Variants in PTGER3 observed in about 807,000 individuals in gnomAD.
PTGER3 encodes prostaglandin E receptor 3.
Under a neutral mutation model 34.7 loss-of-function variants are expected in PTGER3, and 22 were observed. The ratio of observed to expected loss-of-function variants is 0.63; its 90% CI spans 0.45 to 0.91. The LOEUF is 0.91. PTGER3 is among the 40% of genes least tolerant of loss of function. The pLI is 0.00. For missense variants in PTGER3, 468 were observed against 519.4 expected (o/e 0.90, Z 0.96); for synonymous variants, 241 against 230.1 (o/e 1.05, Z -0.43).
intron 4 of PTGER3, among the ~76,000 whole-genome samples, chr1:70,888,777 CTG>C (rs1389184597): frequency 6.6e-6 from 1 of 151,716 alleles, no homozygotes; most frequent in East Asian, 1.9e-4. Context: ...ATGGAAAAGA[CTG>C]TGGGGCATAA....
rs372750310 is a variant in PTGER3 at position 70,889,414 on chromosome 1, C to CAA, written c.*24-36557_*24-36556dup. 2.5e-3 allele frequency among the ~76,000 whole-genome samples: 157 copies of CAA among 63,256 alleles called. 2 individuals carry two copies. The highest frequency in any genetic ancestry group is 4.6e-3 in the African/African-American group (73 of 15,974). 41.5% of individuals were successfully genotyped at this position (63,256 alleles called of 152,430 possible). On this transcript the variant is annotated intron_variant, in intron 4 of 4. Transcript: ENST00000370931. ...TGGGCGACAGAGCGAGACTCCATCT[C>CAA]AAAAAAAAAAAAAAAAAAAAAGATT...
At chr1:70,963,804 T>C (rs1652221468) in intron 2 of PTGER3, among the ~76,000 whole-genome samples, 1 of 152,218 alleles carries the variant, frequency 6.6e-6, no homozygotes, top group African/African-American at 2.4e-5. Flanking sequence ...TGGTTACTTA[T>C]GCAAATTTCT....
chr1:71,035,559 T>C (rs1010481593), intron 1 of PTGER3, among the ~76,000 whole-genome samples: 3 of 152,222 alleles, frequency 2.0e-5, no homozygotes, highest in Non-Finnish European at 2.9e-5. Flanking sequence ...CTGTCCTCAG[T>C]ACTCGAGGGC....
chr1:70,945,671 T>C (rs1195123403), intron 4 of PTGER3, among the ~76,000 whole-genome samples: 1 of 152,132 alleles, frequency 6.6e-6, no homozygotes, highest in Non-Finnish European at 1.5e-5. Flanking sequence ...CCATTCCTTC[T>C]TAACAGAGAA....
downstream of PTGER3, among the ~76,000 whole-genome samples, chr1:70,969,474 A>G (rs1024150539): frequency 6.6e-6 from 1 of 152,196 alleles, no homozygotes; most frequent in African/African-American, 2.4e-5. Context: ...TTAAGAAACG[A>G]GTCCTCTCCA....
intron 2 of PTGER3, among the ~76,000 whole-genome samples, chr1:70,975,155 C>T (rs1653558423): frequency 6.6e-6 from 1 of 152,124 alleles, no homozygotes; most frequent in Non-Finnish European, 1.5e-5. Context: ...AAGCTATAAG[C>T]TTCACAAGAG....
At chr1:70,990,899 T>C (rs1655414866) in intron 2 of PTGER3, among the ~76,000 whole-genome samples, 1 of 152,106 alleles carries the variant, frequency 6.6e-6, no homozygotes, top group Non-Finnish European at 1.5e-5. Context: ...GAATGAAAAA[T>C]GCTACAATTC....
At chr1:71,009,542 A>G (rs1657260089) in intron 2 of PTGER3, 2 of 983,010 alleles carry the variant, frequency 2.0e-6, no homozygotes, top group African/African-American at 1.8e-5. Context: ...ATTAAGTAAC[A>G]TGTGATCATT....
downstream of PTGER3, among the ~76,000 whole-genome samples, chr1:70,970,170 T>TA (rs1652933287): frequency 6.6e-6 from 1 of 152,166 alleles, no homozygotes; most frequent in Non-Finnish European, 1.5e-5. Flanking sequence ...TTTGAATTCT[T>TA]ACTTATGTTA....
intron 4 of PTGER3, among the ~76,000 whole-genome samples, chr1:70,920,079 G>T (rs996470944): frequency 6.6e-6 from 1 of 152,086 alleles, no homozygotes; most frequent in Non-Finnish European, 1.5e-5. Context: ...CTGAGTTTGA[G>T]GCCCAATTAA....
At chr1:70,862,509 T>C in intron 4 of PTGER3, 1 of 586,568 alleles carries the variant, frequency 1.7e-6, no homozygotes, top group Admixed American at 2.1e-5. Context: ...CTATAGGGAA[T>C]TAAGGGAGGA....
intron 4 of PTGER3, among the ~76,000 whole-genome samples, chr1:70,872,056 G>T (rs1349808279): frequency 6.6e-6 from 1 of 152,178 alleles, no homozygotes; most frequent in Admixed American, 6.5e-5. Context: ...TGAGGGAAGG[G>T]AGGGAAGAAA....
At chr1:70,856,205 TGTCA>T (rs1386664062) in intron 4 of PTGER3, among the ~76,000 whole-genome samples, 1 of 152,098 alleles carries the variant, frequency 6.6e-6, no homozygotes, top group African/African-American at 2.4e-5. Flanking sequence ...TTAACAAAGT[TGTCA>T]GTTATCTTTA....
At chr1:70,989,145 A>G (rs922330554) in intron 2 of PTGER3, among the ~76,000 whole-genome samples, 5 of 152,198 alleles carry the variant, frequency 3.3e-5, no homozygotes, top group African/African-American at 1.2e-4. Flanking sequence ...TTTACAATAC[A>G]GATAGTGGCA....
intron 4 of PTGER3, among the ~76,000 whole-genome samples, chr1:70,945,406 T>G (rs903889966): frequency 6.6e-6 from 1 of 152,162 alleles, no homozygotes. Context: ...ACTGTGTCTC[T>G]GTCTACCAAG....
chr1:70,869,001 T>C (rs1158824699), intron 4 of PTGER3, among the ~76,000 whole-genome samples: 1 of 152,154 alleles, frequency 6.6e-6, no homozygotes, highest in East Asian at 1.9e-4. Context: ...GCCAGTGCCA[T>C]GTTTTAAAGC....
At chr1:70,972,362 AT>A (rs996253120) in intron 3 of PTGER3, among the ~76,000 whole-genome samples, 5 of 152,098 alleles carry the variant, frequency 3.3e-5, no homozygotes, top group Non-Finnish European at 5.9e-5. Flanking sequence ...TATTCTGTTT[AT>A]TTTTTTAAGA....
At chr1:70,938,285 G>A (rs1015786048) in intron 4 of PTGER3, among the ~76,000 whole-genome samples, 7 of 151,774 alleles carry the variant, frequency 4.6e-5, no homozygotes, top group African/African-American at 1.7e-4. Flanking sequence ...GACTAGACAG[G>A]GAAAGTCAAA....
chr1:70,907,322 A>G (rs913517471), intron 4 of PTGER3, among the ~76,000 whole-genome samples: 2 of 152,340 alleles, frequency 1.3e-5, no homozygotes, highest in Admixed American at 1.3e-4. Flanking sequence ...AGAATATTAG[A>G]GATTAGGGGA....
Sources: gnomAD v4.1 joint callset for allele counts (sites outside exome capture counted in the v4.1 genomes callset) on GRCh38, gnomAD v4.1.1 for gene constraint, MANE v1.5 for transcripts, NCBI Gene and HGNC (gene_info 2026-07-23, HGNC 2026-07-21) for gene names.